THUMPD3: variants seen among roughly 807,000 people sequenced by gnomAD.
THUMPD3 encodes THUMP domain 3 tRNA guanosine methyltransferase.
In THUMPD3, 44 loss-of-function variants were observed where a neutral mutation model predicts 54.5. The observed-to-expected ratio is 0.81, with a 90% CI of 0.63 to 1.04. THUMPD3 has a LOEUF of 1.04. Among genes scored for constraint, THUMPD3 ranks in the 50% least tolerant of loss-of-function variants. THUMPD3 has a pLI of 0.00. For synonymous variants in THUMPD3, 196 were observed against 201.4 expected, an observed-to-expected ratio of 0.97 and a Z score of 0.23; for missense variants, 604 against 601.3, an observed-to-expected ratio of 1.00 and a Z score of -0.05.
intron 2 of THUMPD3, 63 bp downstream of exon 2, chr3:9,365,383 T>C: frequency 6.4e-7 from 1 of 1,567,882 alleles, no homozygotes; most frequent in Non-Finnish European, 8.7e-7. Flanking sequence ...TACTTTTCAT[T>C]TTATAGACCC....
chr3:9,378,465 C>A (rs918404682), intron 6 of THUMPD3, among the ~76,000 whole-genome samples: 1 of 152,112 alleles, frequency 6.6e-6, no homozygotes, highest in Non-Finnish European at 1.5e-5. Flanking sequence ...CAGTAGATTC[C>A]CCTTGAATAA....
rs1318636327 is a variant in THUMPD3, at chr3:9,386,045, C to A, written c.*1357C>A. On this transcript the variant is annotated 3_prime_UTR_variant, in exon 10 of 10. Transcript: ENST00000452837. ...CTATTAGTATTATAATAGTACTCCT[C>A]TTAATACTTTCTGATGTCTCCATTG... 6.6e-6 allele frequency: 1 copy of A among 152,114 alleles called. No individual in the cohort carries two copies. The highest frequency in any genetic ancestry group is 6.6e-5 in the Admixed American group (1 of 15,258). 9.4% of individuals were successfully genotyped at this position (152,114 alleles called of 1,614,324 possible).
chr3:9,376,203 T>G (rs1001610466), intron 5 of THUMPD3, among the ~76,000 whole-genome samples: 1 of 152,174 alleles, frequency 6.6e-6, no homozygotes, highest in South Asian at 2.1e-4. Flanking sequence ...GAGGGGTTTA[T>G]TGGAAAGATA....
Position 9,384,994 on chromosome 3 carries a change from GC to G in THUMPD3, c.*308del, listed in dbSNP as rs567828446. On this transcript the variant is annotated 3_prime_UTR_variant, in exon 10 of 10. Coordinates refer to ENST00000452837, the MANE Select transcript of THUMPD3 (RefSeq NM_001114092.2). ...GTCTCTACTAGAAATACAAAAATTA[GC>G]CAGGTGTGGTGGCGGGCGCCTGTAA... 223 of 256,032 alleles carry G rather than the reference GC, an allele frequency of 8.7e-4. No homozygotes were observed. Among genetic ancestry groups the G allele is most frequent in the African/African-American group, 4.8e-3 (217 of 44,902 alleles). The allele number at this position is 256,032 out of a possible 1,614,324, so 15.9% of individuals were successfully genotyped here.
chr3:9,365,457 T>G, intron 2 of THUMPD3, 137 bp downstream of exon 2: 1 of 1,087,454 alleles, frequency 9.2e-7, no homozygotes, highest in African/African-American at 1.6e-5. Flanking sequence ...AGTTACTGCA[T>G]TTTCTATTGA....
At position 9,384,652 on chromosome 3, in the gene THUMPD3, C is replaced by G. The variant is rs377450311; in HGVS notation, c.1488C>G (p.Asp496Glu). 1.9e-6 allele frequency: 3 copies of G among 1,613,950 alleles called. No individual in the cohort carries two copies. The Admixed American group carries it at 5.0e-5, about 27-fold the overall frequency. The change falls in exon 10 of 10, where the codon GAC becomes GAG. Residue 496 changes from aspartate to glutamate, a missense_variant. Coordinates refer to ENST00000452837, the MANE Select transcript of THUMPD3 (RefSeq NM_001114092.2). ...PQAFVHPSEQDGERGTLWQCK... is the reference protein window; with the variant it reads ...PQAFVHPSEQEGERGTLWQCK... Reference sequence around the variant, plus strand: ...CTTTTGTTCATCCTTCAGAACAAGACGGAGAAAGAGGAACTCTTTGGCAAT... The same window carrying G: ...CTTTTGTTCATCCTTCAGAACAAGAGGGAGAAAGAGGAACTCTTTGGCAAT...
intron 1 of THUMPD3, among the ~76,000 whole-genome samples, 180 bp from the exon 2 acceptor site, chr3:9,364,836 A>G (rs1357255731): frequency 6.6e-6 from 1 of 152,232 alleles, no homozygotes; most frequent in African/African-American, 2.4e-5. Flanking sequence ...TGCTTCTTTA[A>G]TAATAACATC....
intron 4 of THUMPD3, among the ~76,000 whole-genome samples, chr3:9,373,769 A>G (rs1199126792): frequency 6.6e-6 from 1 of 152,148 alleles, no homozygotes; most frequent in Non-Finnish European, 1.5e-5. Context: ...ACTGGAGTGC[A>G]GTGGTGCAAT....
chr3:9,384,499 T>C, intron 9 of THUMPD3, 25 bp from the exon 10 acceptor site: 2 of 1,612,334 alleles, frequency 1.2e-6, no homozygotes, highest in Non-Finnish European at 1.7e-6. Flanking sequence ...TCAACCTAAT[T>C]GTTATTTTTT....
chr3:9,384,145 T>A, intron 8 of THUMPD3, 67 bp from the exon 9 acceptor site: 1 of 1,541,398 alleles, frequency 6.5e-7, no homozygotes, highest in Non-Finnish European at 8.8e-7. Context: ...AAACTGTTTT[T>A]GTTTCATATA....
chr3:9,381,819 G>A lies in THUMPD3; in HGVS notation c.1124+1201G>A, dbSNP rs71314342. On this transcript the variant is annotated intron_variant, in intron 7 of 9. Transcript: ENST00000452837. Reference sequence around the variant, plus strand: ...TTTTGAGACGGAGTCTCACTCTGTCGCCCAGGCTGGAGTGCAGTGGCTTGA... The same window carrying A: ...TTTTGAGACGGAGTCTCACTCTGTCACCCAGGCTGGAGTGCAGTGGCTTGA... 9.7e-5 allele frequency among the ~76,000 whole-genome samples: 11 copies of A among 112,930 alleles called. No homozygotes were observed. The East Asian group carries it at 2.5e-3, about 26-fold the overall frequency. The allele number at this position is 112,930 out of a possible 152,430, so 74.1% of individuals were successfully genotyped here.
chr3:9,370,231 A>G (rs1211662549), intron 3 of THUMPD3, among the ~76,000 whole-genome samples: 2 of 152,112 alleles, frequency 1.3e-5, no homozygotes. Flanking sequence ...CTGCTTTATA[A>G]TCACAATCCC....
chr3:9,376,169 TA>T (rs1553592365), intron 5 of THUMPD3, among the ~76,000 whole-genome samples: 1 of 152,140 alleles, frequency 6.6e-6, no homozygotes, highest in Non-Finnish European at 1.5e-5. Context: ...AAGTTTAGGA[TA>T]AAAAAGTGAT....
chr3:9,364,872 C>G, intron 1 of THUMPD3, 144 bp from the exon 2 acceptor site: 2 of 601,328 alleles, frequency 3.3e-6, no homozygotes, highest in Non-Finnish European at 5.7e-6. Context: ...CACTCTGTGC[C>G]CATGTTTATT....
At chr3:9,363,180 T>C (rs1316354871) in intron 1 of THUMPD3, 53 bp downstream of exon 1, 2 of 152,410 alleles carry the variant, frequency 1.3e-5, no homozygotes, top group East Asian at 1.9e-4. Context: ...GTGTTTCAGC[T>C]TGGGGAGAGA....
At chr3:9,384,134 G>A in intron 8 of THUMPD3, 78 bp from the exon 9 acceptor site, 5 of 1,509,468 alleles carry the variant, frequency 3.3e-6, no homozygotes, top group Non-Finnish European at 4.5e-6. Context: ...CAGGATGCAT[G>A]AAACTGTTTT....
rs753480713 is a variant in THUMPD3, at chr3:9,381,756, C to CTTTTTTTT, written c.1124+1172_1124+1179dup. On this transcript the variant is annotated intron_variant, in intron 7 of 9. Coordinates refer to ENST00000452837, the MANE Select transcript of THUMPD3 (RefSeq NM_001114092.2). Reference sequence around the variant, plus strand: ...ACCTACACTGTCTGTTCAACCCGTACTTTTTTTTTTTTTTTTTTTTTTTTT... The same window carrying CTTTTTTTT: ...ACCTACACTGTCTGTTCAACCCGTACTTTTTTTTTTTTTTTTTTTTTTTTTTTTTTTTT... Among the ~76,000 whole-genome samples the CTTTTTTTT allele has an allele frequency of 4.1e-4, 18 of 44,368 alleles. 7 individuals carry two copies. The highest frequency in any genetic ancestry group is 7.2e-4 in the African/African-American group (7 of 9,750). 29.1% of individuals were successfully genotyped at this position (44,368 alleles called of 152,430 possible). A position where few individuals can be genotyped will look rare whatever the true frequency, so the allele number is the denominator to read the frequency against.
intron 6 of THUMPD3, among the ~76,000 whole-genome samples, chr3:9,379,588 C>T (rs1242849587): frequency 2.0e-5 from 3 of 152,192 alleles, no homozygotes; most frequent in Non-Finnish European, 2.9e-5. Context: ...CATGTGACAG[C>T]TTGGTATTTA....
chr3:9,379,505 G>A (rs2032716423), intron 6 of THUMPD3, among the ~76,000 whole-genome samples: 1 of 152,158 alleles, frequency 6.6e-6, no homozygotes, highest in South Asian at 2.1e-4. Flanking sequence ...CGGCTTTCGT[G>A]TCAGAAACCT....
Sources: allele counts gnomAD v4.1 joint callset (sites outside exome capture counted in the v4.1 genomes callset), GRCh38; gene constraint gnomAD v4.1.1; transcripts MANE v1.5; gene names NCBI Gene and HGNC (gene_info 2026-07-23, HGNC 2026-07-21).